Variants in OSBPL8 observed in about 807,000 individuals in gnomAD.
OSBPL8 encodes the protein oxysterol binding protein like 8.
Under a neutral mutation model 125.5 loss-of-function variants are expected in OSBPL8, and 59 were observed. The observed-to-expected ratio is 0.47, with a 90% CI of 0.38 to 0.58. OSBPL8 has a LOEUF of 0.58. OSBPL8 is among the 20% of genes least tolerant of loss of function. The probability of loss-of-function intolerance (pLI) is 0.00; values close to 1 mark genes in which losing one functional copy is unlikely to be tolerated. For missense variants in OSBPL8, 758 were observed against 1,047.8 expected (o/e 0.72, Z 3.82); for synonymous variants, 330 against 338.9 (o/e 0.97, Z 0.29).
chr12:76,473,439 C>G (rs1343838935), intron 2 of OSBPL8, among the ~76,000 whole-genome samples: 1 of 152,102 alleles, frequency 6.6e-6, no homozygotes, highest in Non-Finnish European at 1.5e-5. Flanking sequence ...TAACTTGTTC[C>G]CTGAACTAAC....
At chr12:76,387,904 C>T (rs1232746678) in intron 12 of OSBPL8, among the ~76,000 whole-genome samples, 6 of 152,086 alleles carry the variant, frequency 3.9e-5, no homozygotes, top group Admixed American at 2.6e-4. Flanking sequence ...GTTACTGCCC[C>T]GTCTCTCCAC....
At chr12:76,477,973 G>A (rs1160311466) in intron 2 of OSBPL8, among the ~76,000 whole-genome samples, 1 of 152,096 alleles carries the variant, frequency 6.6e-6, no homozygotes, top group Non-Finnish European at 1.5e-5. Flanking sequence ...GGAGGCTGAG[G>A]AGGGTGGATC....
At chr12:76,533,107 A>C (rs1950392885) in intron 1 of OSBPL8, among the ~76,000 whole-genome samples, 1 of 152,260 alleles carries the variant, frequency 6.6e-6, no homozygotes, top group Non-Finnish European at 1.5e-5. Flanking sequence ...ATGAATTTAC[A>C]AAAGTAAAAT....
At position 76,355,847 on chromosome 12, in the gene OSBPL8, A is replaced by C. The variant is rs771890972; in HGVS notation, c.*42T>G. 4 of 1,597,756 alleles carry C rather than the reference A, an allele frequency of 2.5e-6. No individual in the cohort carries two copies. In the African/African-American group the frequency reaches 5.4e-5, roughly 22 times the overall value. ...CAACTTGAACACTGGTCCCAGGCCA[A>C]ATCAGATCTTTCTAGTTCACTGATT... On this transcript the variant is annotated 3_prime_UTR_variant, in exon 24 of 24. Coordinates refer to ENST00000261183, the MANE Select transcript of OSBPL8 (RefSeq NM_020841.5).
intron 1 of OSBPL8, among the ~76,000 whole-genome samples, chr12:76,503,852 T>C (rs940157456): frequency 1.2e-4 from 19 of 152,064 alleles, no homozygotes; most frequent in Admixed American, 2.0e-4. Context: ...CTATAACAAG[T>C]ATGTTTTTAA....
chr12:76,480,314 C>T (rs957194858), intron 2 of OSBPL8, among the ~76,000 whole-genome samples: 33 of 151,598 alleles, frequency 2.2e-4, no homozygotes, highest in African/African-American at 6.1e-4. Context: ...GAGATATATA[C>T]GGACAGTAAA....
chr12:76,491,240 G>C (rs1467492883), intron 1 of OSBPL8, among the ~76,000 whole-genome samples: 3 of 152,048 alleles, frequency 2.0e-5, no homozygotes, highest in Non-Finnish European at 4.4e-5. Flanking sequence ...ACAGCGGCAG[G>C]GTTCGAGAGG....
chr12:76,542,231 CT>C (rs1463327664), intron 1 of OSBPL8, among the ~76,000 whole-genome samples: 1 of 152,196 alleles, frequency 6.6e-6, no homozygotes, highest in Admixed American at 6.5e-5. Flanking sequence ...CACTCCCTCC[CT>C]TTAAAGACTC....
At chr12:76,510,923 A>C (rs921778862) in intron 1 of OSBPL8, among the ~76,000 whole-genome samples, 3 of 152,256 alleles carry the variant, frequency 2.0e-5, no homozygotes, top group Middle Eastern at 3.4e-3. Context: ...GCCATATAAG[A>C]AGCACTGTTC....
chr12:76,505,220 A>T (rs1388409450), intron 1 of OSBPL8, among the ~76,000 whole-genome samples: 1 of 152,226 alleles, frequency 6.6e-6, no homozygotes, highest in Non-Finnish European at 1.5e-5. Flanking sequence ...TTGGGCAATT[A>T]CAATGGCAAT....
chr12:76,401,215 C>A (rs1231928198), intron 6 of OSBPL8, among the ~76,000 whole-genome samples: 1 of 152,188 alleles, frequency 6.6e-6, no homozygotes, highest in Non-Finnish European at 1.5e-5. Flanking sequence ...TGTTAACCTT[C>A]TGGAAAACAC....
chr12:76,503,488 T>G (rs1456349836), intron 1 of OSBPL8, among the ~76,000 whole-genome samples: 1 of 152,240 alleles, frequency 6.6e-6, no homozygotes, highest in African/African-American at 2.4e-5. Context: ...TGCTGGAAGT[T>G]CAAACTTCAA....
intron 1 of OSBPL8, among the ~76,000 whole-genome samples, chr12:76,498,725 CTTT>C (rs369287376): frequency 2.2e-3 from 221 of 102,490 alleles, no homozygotes; most frequent in African/African-American, 8.2e-3. Context: ...AGCCTCCCCA[CTTT>C]TTTTTTTTTT....
intron 1 of OSBPL8, among the ~76,000 whole-genome samples, chr12:76,513,021 T>C (rs1042282923): frequency 2.6e-5 from 4 of 152,234 alleles, no homozygotes; most frequent in African/African-American, 7.2e-5. Context: ...TATTTGTATA[T>C]TGGTTTTGCA....
intron 21 of OSBPL8, among the ~76,000 whole-genome samples, chr12:76,365,079 C>T (rs1212799126): frequency 6.6e-6 from 1 of 152,074 alleles, no homozygotes; most frequent in African/African-American, 2.4e-5. Flanking sequence ...TCTCAGCTTC[C>T]CGAGTAGCTG....
intron 4 of OSBPL8, among the ~76,000 whole-genome samples, chr12:76,415,855 G>A (rs1868586019): frequency 6.6e-6 from 1 of 152,028 alleles, no homozygotes; most frequent in Non-Finnish European, 1.5e-5. Flanking sequence ...TTGTCTATCA[G>A]TCTTTTTCCA....
intron 1 of OSBPL8, among the ~76,000 whole-genome samples, chr12:76,523,889 T>C (rs983538499): frequency 6.6e-5 from 10 of 152,318 alleles, no homozygotes; most frequent in African/African-American, 2.2e-4. Flanking sequence ...TAACTCTTCA[T>C]TTAACTCAAA....
chr12:76,427,036 T>C (rs1870231788), intron 4 of OSBPL8, among the ~76,000 whole-genome samples: 1 of 152,156 alleles, frequency 6.6e-6, no homozygotes, highest in Non-Finnish European at 1.5e-5. Flanking sequence ...GAAGGCCATC[T>C]TTCCTACTTC....
intron 16 of OSBPL8, among the ~76,000 whole-genome samples, chr12:76,376,594 A>G (rs1952827153): frequency 6.6e-6 from 1 of 152,220 alleles, no homozygotes; most frequent in Non-Finnish European, 1.5e-5. Flanking sequence ...TACATGGAAT[A>G]TAGTTTTATT....
Sources: allele counts gnomAD v4.1 joint callset (sites outside exome capture counted in the v4.1 genomes callset), GRCh38; gene constraint gnomAD v4.1.1; transcripts MANE v1.5; gene names NCBI Gene and HGNC (gene_info 2026-07-23, HGNC 2026-07-21).